ERC2: variants seen among roughly 807,000 people sequenced by gnomAD.
The protein encoded by ERC2 is ELKS/RAB6-interacting/CAST family member 2, also known as ERC protein 2.
ERC2 carries 42 observed loss-of-function variants against 114.8 expected under a neutral mutation model. That is an observed-to-expected ratio of 0.37 (90% CI 0.29 to 0.47). The LOEUF is 0.47. Among genes scored for constraint, ERC2 ranks in the 20% least tolerant of loss-of-function variants. ERC2 has a pLI of 0.99. For missense variants in ERC2, 939 were observed against 1,150.7 expected (o/e 0.82, Z 2.66); for synonymous variants, 454 against 425.5 (o/e 1.07, Z -0.82).
rs79790887 is a variant in ERC2 at position 55,870,645 on chromosome 3, G to A, written c.2564+17744C>T. On this transcript the variant is annotated intron_variant, in intron 14 of 17. Coordinates refer to ENST00000288221, the MANE Select transcript of ERC2 (RefSeq NM_015576.3). ...CCCTGAAGCCTGGACACTTACCCTC[G>A]TGCTAATGCAACCCTCATCACCCAG... is the stretch of plus-strand genomic sequence containing the variant. Among the ~76,000 whole-genome samples, 772 of 152,190 alleles carry A rather than the reference G, an allele frequency of 5.1e-3. 7 individuals are homozygous for A. Among genetic ancestry groups the A allele is most frequent in the African/African-American group, 0.017 (726 of 41,504 alleles).
At chr3:56,010,014 G>T (rs1576548325) in intron 9 of ERC2, among the ~76,000 whole-genome samples, 1 of 152,134 alleles carries the variant, frequency 6.6e-6, no homozygotes, top group African/African-American at 2.4e-5. Flanking sequence ...AGAGTATTGG[G>T]TGGTCCCTTT....
At chr3:55,775,584 A>ATAAG (rs71096501) in intron 14 of ERC2, among the ~76,000 whole-genome samples, 6 of 148,070 alleles carry the variant, frequency 4.1e-5, no homozygotes, top group African/African-American at 1.5e-4. Context: ...AAATAAATAA[A>ATAAG]AAAGGAAAAA....
chr3:55,949,758 A>G (rs1285288591), intron 13 of ERC2, among the ~76,000 whole-genome samples: 1 of 152,226 alleles, frequency 6.6e-6, no homozygotes, highest in Non-Finnish European at 1.5e-5. Flanking sequence ...GTTTAAAGGC[A>G]CACTGGAATA....
intron 1 of ERC2, among the ~76,000 whole-genome samples, chr3:56,461,071 A>G (rs1393899312): frequency 6.6e-6 from 1 of 151,982 alleles, no homozygotes; most frequent in African/African-American, 2.4e-5. Context: ...AAGCATGAAA[A>G]CAAATGTTAT....
intron 7 of ERC2, among the ~76,000 whole-genome samples, chr3:56,037,118 A>C (rs2074859067): frequency 6.6e-6 from 1 of 152,146 alleles, no homozygotes; most frequent in Non-Finnish European, 1.5e-5. Flanking sequence ...AATGCTAAAA[A>C]CTCAAAAACC....
intron 17 of ERC2, among the ~76,000 whole-genome samples, chr3:55,662,970 C>T (rs1388311987): frequency 3.3e-5 from 5 of 152,014 alleles, no homozygotes; most frequent in African/African-American, 1.2e-4. Context: ...ACAGACCTCG[C>T]ACATAGAAGG....
At chr3:56,186,965 T>C (rs4974120) in intron 3 of ERC2, among the ~76,000 whole-genome samples, 16,750 of 152,192 alleles carry the variant, frequency 0.11, 1,448 homozygotes, top group African/African-American at 0.23. Context: ...AGGACTTCCA[T>C]GCAAGTGGTT....
chr3:56,395,917 T>A (rs1337569944), intron 2 of ERC2, among the ~76,000 whole-genome samples: 1 of 152,218 alleles, frequency 6.6e-6, no homozygotes, highest in Non-Finnish European at 1.5e-5. Flanking sequence ...AGTATCTCCC[T>A]TTTTACGTGA....
intron 12 of ERC2, among the ~76,000 whole-genome samples, chr3:55,954,552 A>G (rs2067812326): frequency 6.6e-6 from 1 of 152,230 alleles, no homozygotes; most frequent in Non-Finnish European, 1.5e-5. Flanking sequence ...GTCCAAGGGC[A>G]TATGCATATT....
intron 17 of ERC2, among the ~76,000 whole-genome samples, chr3:55,652,735 G>A (rs1273513793): frequency 2.0e-5 from 3 of 151,838 alleles, no homozygotes; most frequent in East Asian, 1.9e-4. Flanking sequence ...GTAGCTGGGC[G>A]TGATGGCAGG....
Position 56,435,025 on chromosome 3 carries a change from G to A in ERC2, c.-18C>T, listed in dbSNP as rs757559314. 1.3e-6 allele frequency: 2 copies of A among 1,583,368 alleles called. No homozygotes were observed. The highest frequency in any genetic ancestry group is 2.2e-5 in the East Asian group (1 of 44,718). On this transcript the variant is annotated 5_prime_UTR_variant, in exon 2 of 18. Transcript: ENST00000288221. ...CCATACATTTTTCTTGTATTATGAG[G>A]TGTTACTGAAGAGAAGAAATGCTAT...
intron 14 of ERC2, among the ~76,000 whole-genome samples, chr3:55,802,711 C>T (rs534064969): frequency 2.0e-5 from 3 of 152,268 alleles, no homozygotes; most frequent in South Asian, 4.1e-4. Flanking sequence ...TCAAATACTC[C>T]ACTTGGAATA....
intron 5 of ERC2, among the ~76,000 whole-genome samples, chr3:56,140,739 G>C (rs2080807775): frequency 6.6e-6 from 1 of 152,016 alleles, no homozygotes; most frequent in Non-Finnish European, 1.5e-5. Context: ...AATTTCACTA[G>C]ATAAAACAAA....
chr3:56,106,800 C>T (rs940788661), intron 6 of ERC2, among the ~76,000 whole-genome samples: 1 of 152,044 alleles, frequency 6.6e-6, no homozygotes, highest in Non-Finnish European at 1.5e-5. Context: ...GAAATATTTC[C>T]AGTTAGTTTA....
chr3:56,123,619 G>C (rs999602032), intron 6 of ERC2, among the ~76,000 whole-genome samples: 13 of 152,004 alleles, frequency 8.6e-5, no homozygotes, highest in African/African-American at 3.1e-4. Context: ...CTCCTCACCA[G>C]GATGTCTGCA....
chr3:55,767,848 G>A (rs947063497), intron 14 of ERC2, among the ~76,000 whole-genome samples: 3 of 152,180 alleles, frequency 2.0e-5, no homozygotes, highest in African/African-American at 7.2e-5. Context: ...GGTCTACTGA[G>A]TACCAAATGT....
intron 6 of ERC2, among the ~76,000 whole-genome samples, chr3:56,088,977 A>T (rs2077646055): frequency 6.6e-6 from 1 of 152,182 alleles, no homozygotes; most frequent in South Asian, 2.1e-4. Context: ...GCCCTCAGGA[A>T]GAGTGGAGAA....
At chr3:55,939,634 T>C (rs1473576151) in intron 13 of ERC2, among the ~76,000 whole-genome samples, 3 of 152,236 alleles carry the variant, frequency 2.0e-5, no homozygotes, top group Non-Finnish European at 2.9e-5. Context: ...ATCTAGATTA[T>C]ATCAACCCTC....
chr3:56,099,311 CA>C (rs2078225445), intron 6 of ERC2, among the ~76,000 whole-genome samples: 3 of 152,170 alleles, frequency 2.0e-5, no homozygotes, highest in Admixed American at 2.0e-4. Context: ...TTTAAGCCAC[CA>C]AGTTTGTGGT....
Sources: gnomAD v4.1 joint callset for allele counts (sites outside exome capture counted in the v4.1 genomes callset) on GRCh38, gnomAD v4.1.1 for gene constraint, MANE v1.5 for transcripts, NCBI Gene and HGNC (gene_info 2026-07-23, HGNC 2026-07-21) for gene names.